ZNF704: variants seen among roughly 807,000 people sequenced by gnomAD.
ZNF704 encodes zinc finger protein 704, also known as glucocorticoid induced gene 1.
Under a neutral mutation model 44.7 loss-of-function variants are expected in ZNF704, and 10 were observed. The ratio of observed to expected loss-of-function variants is 0.22; its 90% CI spans 0.14 to 0.38. ZNF704 has a LOEUF of 0.38. Ranked by LOEUF, ZNF704 falls within the 10% of genes least tolerant of loss-of-function variation. The pLI is 1.00. For missense variants in ZNF704, 390 were observed against 545.5 expected (o/e 0.71, Z 2.84); for synonymous variants, 211 against 207.6 (o/e 1.02, Z -0.14).
chr8:80,739,576 T>C (rs1030310145), intron 2 of ZNF704, among the ~76,000 whole-genome samples: 1 of 152,226 alleles, frequency 6.6e-6, no homozygotes, highest in Non-Finnish European at 1.5e-5. Flanking sequence ...TTCAGTCTTC[T>C]AGCAAGAAAG....
At chr8:80,868,513 C>T (rs1487518012) in intron 1 of ZNF704, among the ~76,000 whole-genome samples, 2 of 152,168 alleles carry the variant, frequency 1.3e-5, no homozygotes, top group Non-Finnish European at 2.9e-5. Flanking sequence ...GGATGTGAGC[C>T]CATGCTCCCC....
chr8:80,879,739 T>C (rs1809401102), upstream of ZNF704, among the ~76,000 whole-genome samples: 1 of 152,222 alleles, frequency 6.6e-6, no homozygotes, highest in South Asian at 2.1e-4. Context: ...GTTTCTATGT[T>C]TTATTATTTG....
At chr8:80,703,534 G>A (rs1818845895) in intron 2 of ZNF704, among the ~76,000 whole-genome samples, 1 of 152,174 alleles carries the variant, frequency 6.6e-6, no homozygotes, top group African/African-American at 2.4e-5. Context: ...GAGTGCAGTG[G>A]TGTGAACATG....
chr8:80,835,766 A>G (rs1808548667), intron 1 of ZNF704, among the ~76,000 whole-genome samples: 1 of 152,214 alleles, frequency 6.6e-6, no homozygotes, highest in African/African-American at 2.4e-5. Flanking sequence ...GGTTAATCTT[A>G]TTGAACTTAA....
intron 2 of ZNF704, among the ~76,000 whole-genome samples, chr8:80,696,211 A>T (rs1269552968): frequency 1.3e-5 from 2 of 152,234 alleles, no homozygotes; most frequent in African/African-American, 2.4e-5. Flanking sequence ...ACTAGAGGTG[A>T]TATTAAATAT....
intron 7 of ZNF704, among the ~76,000 whole-genome samples, chr8:80,651,887 C>A (rs1265774080): frequency 2.0e-5 from 3 of 152,176 alleles, no homozygotes; most frequent in Non-Finnish European, 4.4e-5. Context: ...CCACACCACA[C>A]CTATTCCAAA....
chr8:80,758,357 T>C (rs1022906005), intron 2 of ZNF704, among the ~76,000 whole-genome samples: 27 of 152,132 alleles, frequency 1.8e-4, no homozygotes, highest in Non-Finnish European at 7.4e-5. Context: ...AAGCACACTT[T>C]CCACAAAAAG....
chr8:80,719,653 T>C (rs1819131428), intron 2 of ZNF704, among the ~76,000 whole-genome samples: 1 of 152,206 alleles, frequency 6.6e-6, no homozygotes. Context: ...GTGGGGGCAT[T>C]TTCTGCCTTT....
intron 2 of ZNF704, among the ~76,000 whole-genome samples, chr8:80,722,082 C>CA (rs563964008): frequency 1.3e-3 from 203 of 152,066 alleles, no homozygotes; most frequent in Non-Finnish European, 1.8e-3. Flanking sequence ...ACAATAAATA[C>CA]AAAAAAACGT....
intron 1 of ZNF704, among the ~76,000 whole-genome samples, chr8:80,842,938 G>A (rs1808705830): frequency 6.6e-6 from 1 of 152,026 alleles, no homozygotes; most frequent in Non-Finnish European, 1.5e-5. Context: ...TCTTCACAGG[G>A]GACAAGCCTG....
chr8:80,635,325 A>C lies in ZNF704; in HGVS notation c.*6041T>G, dbSNP rs1410779535. ...TTCTTGGGAACTCAGTCACTTTCTG[A>C]TCACAACCTCATGTGCCTGCTAGTT... On this transcript the variant is annotated 3_prime_UTR_variant, in exon 9 of 9. Transcript: ENST00000327835. 3.9e-5 allele frequency: 6 copies of C among 152,204 alleles called. No individual in the cohort carries two copies. Among genetic ancestry groups the C allele is most frequent in the Admixed American group, 3.9e-4 (6 of 15,284 alleles). 9.4% of individuals were successfully genotyped at this position (152,204 alleles called of 1,614,324 possible).
intron 2 of ZNF704, among the ~76,000 whole-genome samples, chr8:80,735,385 G>T (rs1019274492): frequency 2.6e-5 from 4 of 152,122 alleles, no homozygotes; most frequent in African/African-American, 9.7e-5. Context: ...CTTTGAACTT[G>T]CATTTTACTC....
In ZNF704 at chr8:80,654,081, A is replaced by C. The variant is rs372381738; in HGVS notation, c.1032+5504T>G. Among the ~76,000 whole-genome samples the C allele has an allele frequency of 1.2e-4, 19 of 152,058 alleles. No individual in the cohort carries two copies. The South Asian group carries it at 2.5e-3, about 20-fold the overall frequency. ...CTTTGACAAACCTGACAAAAACAAG[A>C]AATGGGGAAAGGATTCCCTATTTAA... On this transcript the variant is annotated intron_variant, in intron 7 of 8. Coordinates refer to ENST00000327835, the MANE Select transcript of ZNF704 (RefSeq NM_001033723.3).
At chr8:80,664,116 G>C (rs1019623684) in intron 6 of ZNF704, among the ~76,000 whole-genome samples, 1 of 150,420 alleles carries the variant, frequency 6.6e-6, no homozygotes, top group African/African-American at 2.4e-5. Flanking sequence ...TTTTGTTTTT[G>C]AAACAGAGTC....
intron 2 of ZNF704, among the ~76,000 whole-genome samples, chr8:80,709,014 T>A (rs796423050): frequency 2.6e-5 from 4 of 152,290 alleles, no homozygotes; most frequent in African/African-American, 9.6e-5. Context: ...TATAAAAATA[T>A]AGAGAAAAAA....
intron 2 of ZNF704, among the ~76,000 whole-genome samples, chr8:80,782,833 G>A (rs1807552586): frequency 6.6e-6 from 1 of 151,990 alleles, no homozygotes; most frequent in African/African-American, 2.4e-5. Context: ...AAATCCTCCT[G>A]TCGTCCCTCT....
intron 2 of ZNF704, among the ~76,000 whole-genome samples, chr8:80,783,237 T>C (rs756703788): frequency 5.9e-5 from 9 of 152,182 alleles, no homozygotes; most frequent in Admixed American, 3.9e-4. Context: ...AGAAGGCCTG[T>C]CCATCTAAGA....
intron 1 of ZNF704, among the ~76,000 whole-genome samples, chr8:80,843,971 G>GTA (rs143495397): frequency 0.041 from 5,821 of 143,198 alleles, 187 homozygotes; most frequent in African/African-American, 0.092. Flanking sequence ...ATATATATGT[G>GTA]TATATATATA....
At position 80,874,149 on chromosome 8, in the gene ZNF704, G is replaced by A. The variant is rs1809315076; in HGVS notation, c.-22+422C>T. ...GCCGCAGGGCCGGGGACTCGCGGCC[G>A]CAAGGGGCTGCAGGAGCCGCCGGCC... On this transcript the variant is annotated intron_variant, in intron 1 of 8. Coordinates refer to ENST00000327835, the MANE Select transcript of ZNF704 (RefSeq NM_001033723.3). This position sits in a 1 kb window ranked among gnomAD's most constrained non-coding sequence, Gnocchi z 4.4. Among the ~76,000 whole-genome samples the A allele has an allele frequency of 6.8e-6, 1 of 146,592 alleles. No homozygotes were observed. The highest frequency in any genetic ancestry group is 6.8e-5 in the Admixed American group (1 of 14,766).
Sources: gnomAD v4.1 joint callset for allele counts (sites outside exome capture counted in the v4.1 genomes callset) on GRCh38, gnomAD v4.1.1 for gene constraint, Gnocchi (gnomAD v3.1) non-coding constraint, MANE v1.5 for transcripts, NCBI Gene and HGNC (gene_info 2026-07-23, HGNC 2026-07-21) for gene names.